The following PCDH15 variants were observed in gnomAD, a reference collection of about 807,000 sequenced individuals.
PCDH15 encodes the protein protocadherin related 15.
Under a neutral mutation model 178.5 loss-of-function variants are expected in PCDH15, and 129 were observed. That is an observed-to-expected ratio of 0.72 (90% CI 0.63 to 0.84). The LOEUF (loss-of-function observed/expected upper bound fraction) is 0.84, where lower values mean the gene tolerates loss of function less well. PCDH15 is among the 40% of genes least tolerant of loss of function. PCDH15 has a pLI of 0.00. For missense variants in PCDH15, 2,230 were observed against 2,099.9 expected, an observed-to-expected ratio of 1.06 and a Z score of -1.21; for synonymous variants, 800 against 732.0, an observed-to-expected ratio of 1.09 and a Z score of -1.50.
intron 3 of PCDH15, among the ~76,000 whole-genome samples, chr10:54,863,339 G>A (rs990112680): frequency 6.6e-6 from 1 of 152,050 alleles, no homozygotes; most frequent in South Asian, 2.1e-4. Context: ...TCAGGAGATC[G>A]AGACCATCCT....
intron 2 of PCDH15, among the ~76,000 whole-genome samples, chr10:55,367,231 T>C (rs1421162684): frequency 6.6e-6 from 1 of 152,116 alleles, no homozygotes; most frequent in African/African-American, 2.4e-5. Flanking sequence ...TTAAACAAAA[T>C]AAATTTAACA....
Position 54,924,553 on chromosome 10 carries a change from T to G in PCDH15, c.-79-27053A>C, listed in dbSNP as rs972996147. On this transcript the variant is annotated intron_variant, in intron 2 of 5. Transcript: ENST00000458638. ...CCACAATGAATGAAAAAATTTACACTCCCCCCATAGCATATAAGTGTTCTT... is the reference window on the plus strand; with the variant it reads ...CCACAATGAATGAAAAAATTTACACGCCCCCCATAGCATATAAGTGTTCTT... Among the ~76,000 whole-genome samples, 9 of 88,178 alleles carry G rather than the reference T, an allele frequency of 1.0e-4. 1 individual carries two copies. Among genetic ancestry groups the G allele is most frequent in the Admixed American group, 9.3e-4 (9 of 9,722 alleles). The allele number at this position is 88,178 out of a possible 152,430, so 57.8% of individuals were successfully genotyped here.
chr10:55,624,386 T>C (rs1218529773), intron 2 of PCDH15, among the ~76,000 whole-genome samples: 1 of 151,176 alleles, frequency 6.6e-6, no homozygotes. Flanking sequence ...CATTAAAGCA[T>C]GCAAGCTGCA....
At chr10:54,156,065 C>A (rs1590838215) in intron 13 of PCDH15, among the ~76,000 whole-genome samples, 2 of 152,128 alleles carry the variant, frequency 1.3e-5, no homozygotes, top group Admixed American at 1.3e-4. Context: ...CAATATTTTG[C>A]TTACAAGTTT....
chr10:54,675,891 A>G (rs2094779642), intron 1 of PCDH15, among the ~76,000 whole-genome samples: 1 of 152,204 alleles, frequency 6.6e-6, no homozygotes, highest in South Asian at 2.1e-4. Context: ...AAAGAAACGT[A>G]TCATTTTCAC....
At chr10:53,965,098 C>G (rs1042418545) in intron 21 of PCDH15, among the ~76,000 whole-genome samples, 1 of 151,286 alleles carries the variant, frequency 6.6e-6, no homozygotes, top group Non-Finnish European at 1.5e-5. Flanking sequence ...TGTACTCTTA[C>G]CCGGGCTGGA....
intron 2 of PCDH15, among the ~76,000 whole-genome samples, chr10:55,069,063 A>ATT (rs34609396): frequency 8.4e-5 from 12 of 143,280 alleles, no homozygotes; most frequent in African/African-American, 3.1e-4. Flanking sequence ...ATGTCCAGCT[A>ATT]TTTTTTTTTT....
chr10:54,099,238 C>A (rs1383876342), intron 15 of PCDH15, among the ~76,000 whole-genome samples: 1 of 152,036 alleles, frequency 6.6e-6, no homozygotes, highest in Non-Finnish European at 1.5e-5. Context: ...CAGTGGCTCA[C>A]GCCTGTAATG....
chr10:54,951,905 T>A (rs2131875233), intron 2 of PCDH15, among the ~76,000 whole-genome samples: 1 of 152,016 alleles, frequency 6.6e-6, no homozygotes, highest in East Asian at 1.9e-4. Context: ...TTTATTTTAT[T>A]GTTTCCCTTA....
intron 2 of PCDH15, among the ~76,000 whole-genome samples, chr10:55,046,742 A>G (rs1366098967): frequency 1.3e-4 from 19 of 151,980 alleles, no homozygotes; most frequent in Admixed American, 1.2e-3. Context: ...TAATTGAAAA[A>G]GTTATAGAAG....
rs7096850 is a variant in PCDH15 at position 55,316,973 on chromosome 10, A to G, written c.-156+2626T>C. Reference sequence around the variant, plus strand: ...CTAAATCTCAACGTTTCTAAACAGAATTTAGCATCTTTACCCATATAAATC... The same window carrying G: ...CTAAATCTCAACGTTTCTAAACAGAGTTTAGCATCTTTACCCATATAAATC... On this transcript the variant is annotated intron_variant, in intron 1 of 5. Coordinates refer to the PCDH15 transcript ENST00000458638. Among the ~76,000 whole-genome samples the G allele has an allele frequency of 7.8e-3, 1,186 of 152,260 alleles. 17 individuals are homozygous for G. Among genetic ancestry groups the G allele is most frequent in the African/African-American group, 0.026 (1,096 of 41,572 alleles).
chr10:54,571,962 A>T (rs1310685258), intron 2 of PCDH15, among the ~76,000 whole-genome samples: 4 of 152,094 alleles, frequency 2.6e-5, no homozygotes, highest in Non-Finnish European at 5.9e-5. Context: ...AAAATTGTAG[A>T]TGAGGTCCAC....
At chr10:55,614,938 C>T (rs1209348630) in intron 2 of PCDH15, among the ~76,000 whole-genome samples, 1 of 152,082 alleles carries the variant, frequency 6.6e-6, no homozygotes, top group African/African-American at 2.4e-5. Context: ...TTGTTTATTT[C>T]TAAGAACATA....
chr10:55,529,741 G>GTGTATATATA (rs1554881517), intron 2 of PCDH15, among the ~76,000 whole-genome samples: 2 of 62,756 alleles, frequency 3.2e-5, no homozygotes, highest in South Asian at 7.4e-4. Flanking sequence ...TTGTCTGTGA[G>GTGTATATATA]TATATATATA....
chr10:55,285,880 A>G (rs1842857759), intron 1 of PCDH15, among the ~76,000 whole-genome samples: 2 of 152,008 alleles, frequency 1.3e-5, no homozygotes. Context: ...AGCTGTGCCA[A>G]GCAGCTTCAT....
chr10:54,041,098 G>A (rs2093532774), intron 18 of PCDH15, among the ~76,000 whole-genome samples: 1 of 151,930 alleles, frequency 6.6e-6, no homozygotes, highest in South Asian at 2.1e-4. Context: ...AAGAAAGCAA[G>A]AAAGTTGGAT....
intron 28 of PCDH15, among the ~76,000 whole-genome samples, chr10:53,849,877 A>G (rs910730869): frequency 5.0e-4 from 75 of 150,568 alleles, no homozygotes; most frequent in African/African-American, 1.5e-3. Context: ...AAAAAAAAAA[A>G]AAAAAAGAAA....
intron 1 of PCDH15, among the ~76,000 whole-genome samples, chr10:54,743,074 A>C (rs1213657472): frequency 6.6e-6 from 1 of 152,084 alleles, no homozygotes; most frequent in Non-Finnish European, 1.5e-5. Context: ...AGAAAGCCAG[A>C]AGTGAGTAAC....
chr10:54,522,721 T>C (rs768710709), intron 3 of PCDH15, among the ~76,000 whole-genome samples: 49 of 152,144 alleles, frequency 3.2e-4, no homozygotes, highest in Non-Finnish European at 5.9e-4. Context: ...TAATCATACC[T>C]TGAAGAAATA....
Sources: gnomAD v4.1 joint callset for allele counts (sites outside exome capture counted in the v4.1 genomes callset) on GRCh38, gnomAD v4.1.1 for gene constraint, MANE v1.5 for transcripts, NCBI Gene and HGNC (gene_info 2026-07-23, HGNC 2026-07-21) for gene names.